GPC5: variants seen among roughly 807,000 people sequenced by gnomAD.
GPC5 encodes the protein glypican 5, also known as glypican-5.
Under a neutral mutation model 53.9 loss-of-function variants are expected in GPC5, and 47 were observed. The ratio of observed to expected loss-of-function variants is 0.87; its 90% CI spans 0.69 to 1.11. The LOEUF (loss-of-function observed/expected upper bound fraction) is 1.11. Among genes scored for constraint, GPC5 ranks in the 50% most tolerant of loss-of-function variants. The pLI, the probability that GPC5 is intolerant of heterozygous loss-of-function variation, is 0.00. For missense variants in GPC5, 748 were observed against 713.1 expected (o/e 1.05, Z -0.56); for synonymous variants, 286 against 263.3 (o/e 1.09, Z -0.84).
At chr13:92,513,137 T>A (rs1056680152) in intron 7 of GPC5, among the ~76,000 whole-genome samples, 6 of 152,220 alleles carry the variant, frequency 3.9e-5, no homozygotes, top group African/African-American at 1.4e-4. Flanking sequence ...GACGTATTGT[T>A]CGTACTTGAA....
At chr13:92,753,368 C>A (rs1320304104) in intron 7 of GPC5, among the ~76,000 whole-genome samples, 1 of 152,118 alleles carries the variant, frequency 6.6e-6, no homozygotes, top group Non-Finnish European at 1.5e-5. Flanking sequence ...GATAAAACCA[C>A]AAAGATGGGG....
intron 7 of GPC5, among the ~76,000 whole-genome samples, chr13:92,254,503 C>T (rs1217277887): frequency 6.6e-6 from 1 of 152,118 alleles, no homozygotes; most frequent in African/African-American, 2.4e-5. Context: ...TTTTTATATA[C>T]AGTCAGACCT....
At chr13:92,669,592 T>C (rs1479135964) in intron 7 of GPC5, among the ~76,000 whole-genome samples, 4 of 152,146 alleles carry the variant, frequency 2.6e-5, no homozygotes, top group Non-Finnish European at 5.9e-5. Context: ...TACCTCACTT[T>C]CCTCACACCC....
intron 4 of GPC5, among the ~76,000 whole-genome samples, chr13:91,743,154 C>T (rs997225155): frequency 3.9e-5 from 6 of 151,968 alleles, no homozygotes; most frequent in Admixed American, 2.0e-4. Flanking sequence ...TTTCTCCCAA[C>T]AAGTGAATCT....
intron 6 of GPC5, among the ~76,000 whole-genome samples, chr13:91,925,699 AATTG>A (rs2039760280): frequency 6.6e-6 from 1 of 152,142 alleles, no homozygotes; most frequent in African/African-American, 2.4e-5. Context: ...GGGCATACGA[AATTG>A]ATTAAGACCA....
chr13:91,957,465 G>A (rs1475170655), intron 6 of GPC5, among the ~76,000 whole-genome samples: 4 of 152,170 alleles, frequency 2.6e-5, no homozygotes, highest in South Asian at 2.1e-4. Flanking sequence ...CCAGATACAG[G>A]AAGCTCGGAG....
At chr13:91,621,645 C>A (rs1445536927) in intron 2 of GPC5, among the ~76,000 whole-genome samples, 6 of 151,436 alleles carry the variant, frequency 4.0e-5, no homozygotes, top group African/African-American at 1.5e-4. Context: ...TAACCTGTGA[C>A]CATTTCAATA....
chr13:92,717,597 T>A (rs1888373788), intron 7 of GPC5, among the ~76,000 whole-genome samples: 1 of 152,218 alleles, frequency 6.6e-6, no homozygotes, highest in Non-Finnish European at 1.5e-5. Flanking sequence ...CAAATGTGTA[T>A]TTTCTTCAGA....
intron 6 of GPC5, among the ~76,000 whole-genome samples, chr13:92,087,218 G>A (rs1475527826): frequency 1.3e-5 from 2 of 152,200 alleles, no homozygotes; most frequent in Non-Finnish European, 2.9e-5. Context: ...TGAGTTAGAT[G>A]TATCAGCAAT....
At chr13:91,646,444 GATT>G (rs1267299760) in intron 2 of GPC5, among the ~76,000 whole-genome samples, 1 of 151,594 alleles carries the variant, frequency 6.6e-6, no homozygotes, top group East Asian at 1.9e-4. Flanking sequence ...AATTAAATAT[GATT>G]ATACTATATA....
intron 7 of GPC5, chr13:92,448,305 T>A (rs1411386378): frequency 6.6e-6 from 1 of 152,122 alleles, no homozygotes; most frequent in Non-Finnish European, 1.5e-5. Context: ...TCTTTTGAGT[T>A]TTTGTAGAAG....
chr13:92,067,101 GTCTT>G (rs1296781048), intron 6 of GPC5, among the ~76,000 whole-genome samples: 1 of 151,980 alleles, frequency 6.6e-6, no homozygotes, highest in African/African-American at 2.4e-5. Context: ...TGAGAACAAA[GTCTT>G]TCTTGTTATT....
intron 7 of GPC5, among the ~76,000 whole-genome samples, chr13:92,822,666 TG>T (rs1350786055): frequency 1.3e-5 from 2 of 152,014 alleles, no homozygotes; most frequent in African/African-American, 4.8e-5. Context: ...CGTTTGTCTC[TG>T]TTGTTTCCCA....
intron 7 of GPC5, among the ~76,000 whole-genome samples, chr13:92,703,895 A>T (rs1887852303): frequency 6.6e-6 from 1 of 152,036 alleles, no homozygotes; most frequent in African/African-American, 2.4e-5. Flanking sequence ...TTAATATTTA[A>T]TAGATTTTTC....
chr13:91,466,125 C>G (rs962244068), intron 2 of GPC5, among the ~76,000 whole-genome samples: 1 of 152,168 alleles, frequency 6.6e-6, no homozygotes, highest in African/African-American at 2.4e-5. Context: ...GAGCAGATGT[C>G]CCTGAGAACT....
At chr13:92,058,636 C>T (rs57609994) in intron 6 of GPC5, among the ~76,000 whole-genome samples, 42 of 152,012 alleles carry the variant, frequency 2.8e-4, no homozygotes, top group African/African-American at 8.5e-4. Context: ...ACCACCTCCT[C>T]GGTTCAAGCA....
intron 7 of GPC5, among the ~76,000 whole-genome samples, chr13:92,588,109 T>C (rs1883595879): frequency 6.6e-6 from 1 of 152,142 alleles, no homozygotes; most frequent in South Asian, 2.1e-4. Context: ...TGGTGTGTGA[T>C]GTTCCCCTCC....
intron 7 of GPC5, among the ~76,000 whole-genome samples, chr13:92,538,599 C>T (rs923389751): frequency 6.8e-6 from 1 of 146,798 alleles, no homozygotes; most frequent in African/African-American, 2.5e-5. Flanking sequence ...TCTCCTAATG[C>T]TATCCCTCCC....
At chr13:92,685,632 T>C (rs1887250207) in intron 7 of GPC5, among the ~76,000 whole-genome samples, 1 of 127,136 alleles carries the variant, frequency 7.9e-6, no homozygotes, top group Non-Finnish European at 1.6e-5. Context: ...TACATATGTA[T>C]ACATGTGCCA....
Sources: allele counts gnomAD v4.1 joint callset (sites outside exome capture counted in the v4.1 genomes callset), GRCh38; gene constraint gnomAD v4.1.1; transcripts MANE v1.5; gene names NCBI Gene and HGNC (gene_info 2026-07-23, HGNC 2026-07-21).